Variants in MOBP observed in about 807,000 individuals in gnomAD.
MOBP encodes myelin-associated oligodendrocyte basic protein.
In MOBP, 5 loss-of-function variants were observed where a neutral mutation model predicts 15.0. The ratio of observed to expected loss-of-function variants is 0.33; its 90% CI spans 0.17 to 0.70. The LOEUF is 0.70. Among genes scored for constraint, MOBP ranks in the 30% least tolerant of loss-of-function variants. MOBP has a pLI of 0.67. For missense variants in MOBP, 188 were observed against 257.8 expected (o/e 0.73, Z 1.85); for synonymous variants, 88 against 99.0 (o/e 0.89, Z 0.66).
downstream of MOBP, among the ~76,000 whole-genome samples, chr3:39,519,613 T>C (rs1252532411): frequency 4.6e-5 from 7 of 152,144 alleles, no homozygotes; most frequent in Non-Finnish European, 1.0e-4. Flanking sequence ...GACTCTTTAT[T>C]TTCAAATCAT....
chr3:39,499,206 C>A (rs573171888), intron 2 of MOBP, among the ~76,000 whole-genome samples: 1 of 152,174 alleles, frequency 6.6e-6, no homozygotes, highest in African/African-American at 2.4e-5. Flanking sequence ...TTCATTATTT[C>A]CCATGGGAGG....
At chr3:39,520,576 G>GTGTGT (rs1559430962), downstream of MOBP, among the ~76,000 whole-genome samples, 1,752 of 93,016 alleles carry the variant, frequency 0.019, 26 homozygotes, top group African/African-American at 0.057. Flanking sequence ...GTGTGTGTAT[G>GTGTGT]AGAGAGAGAG....
chr3:39,475,918 ATTAC>A lies in MOBP; in HGVS notation c.-88-4119_-88-4116del, dbSNP rs765389800. 5.9e-5 allele frequency among the ~76,000 whole-genome samples: 9 copies of A among 152,222 alleles called. No individual in the cohort carries two copies. The East Asian group carries it at 1.5e-3, about 26-fold the overall frequency. On this transcript the variant is annotated intron_variant, in intron 1 of 3. Coordinates refer to ENST00000684792, the MANE Select transcript of MOBP (RefSeq NM_001393704.1). ...GATAATTAAAAAACAAAATTTGGTT[ATTAC>A]TTGTTGTATCAGTTCATTCTTACGT...
downstream of MOBP, among the ~76,000 whole-genome samples, chr3:39,516,484 A>G (rs1053093829): frequency 1.3e-5 from 2 of 152,090 alleles, no homozygotes; most frequent in African/African-American, 4.8e-5. Context: ...CAGGACCTTG[A>G]GGCATTTTCT....
intron 2 of MOBP, among the ~76,000 whole-genome samples, chr3:39,492,311 C>T (rs1479035344): frequency 6.6e-6 from 1 of 152,110 alleles, no homozygotes; most frequent in Non-Finnish European, 1.5e-5. Flanking sequence ...CCAGACCAGC[C>T]ACCCCTTCCC....
intron 1 of MOBP, among the ~76,000 whole-genome samples, chr3:39,470,432 A>C (rs1379860683): frequency 6.6e-6 from 1 of 152,218 alleles, no homozygotes; most frequent in African/African-American, 2.4e-5. Context: ...TTTTACAGAG[A>C]AGAAAATTGA....
intron 1 of MOBP, among the ~76,000 whole-genome samples, chr3:39,468,394 C>T (rs1278704986): frequency 6.6e-6 from 1 of 152,114 alleles, no homozygotes; most frequent in Non-Finnish European, 1.5e-5. Flanking sequence ...GCCTACAGTA[C>T]TAGCAGGAAA....
intron 4 of MOBP, among the ~76,000 whole-genome samples, chr3:39,511,113 G>T (rs2043114212): frequency 6.6e-6 from 1 of 152,190 alleles, no homozygotes; most frequent in Non-Finnish European, 1.5e-5. Flanking sequence ...AATTACTATG[G>T]TGGTAATTGT....
intron 3 of MOBP, among the ~76,000 whole-genome samples, chr3:39,523,328 C>T (rs950936356): frequency 6.6e-6 from 1 of 152,148 alleles, no homozygotes; most frequent in Non-Finnish European, 1.5e-5. Flanking sequence ...TAATCTGATA[C>T]ATATCTTGAT....
At chr3:39,471,017 G>T (rs2042461789) in intron 1 of MOBP, among the ~76,000 whole-genome samples, 2 of 152,174 alleles carry the variant, frequency 1.3e-5, no homozygotes, top group African/African-American at 4.8e-5. Flanking sequence ...ATTGTTCAGG[G>T]CGTGGCTAGC....
At chr3:39,470,704 G>C (rs1388744773) in intron 1 of MOBP, among the ~76,000 whole-genome samples, 2 of 152,168 alleles carry the variant, frequency 1.3e-5, no homozygotes, top group Non-Finnish European at 2.9e-5. Flanking sequence ...TTTAATGAGA[G>C]TAATTGAGTT....
intron 1 of MOBP, among the ~76,000 whole-genome samples, chr3:39,475,564 G>A (rs982291130): frequency 2.6e-5 from 4 of 152,014 alleles, no homozygotes; most frequent in Admixed American, 2.6e-4. Context: ...ATTCTTTAAG[G>A]AAGATTATCT....
At chr3:39,483,583 C>T (rs2042657216) in intron 2 of MOBP, among the ~76,000 whole-genome samples, 1 of 152,214 alleles carries the variant, frequency 6.6e-6, no homozygotes. Context: ...GCTATGACCA[C>T]AGATCATTTA....
At chr3:39,486,944 T>A (rs1219514926) in intron 2 of MOBP, among the ~76,000 whole-genome samples, 1 of 144,064 alleles carries the variant, frequency 6.9e-6, no homozygotes, top group East Asian at 2.1e-4. Flanking sequence ...TTTTTTTTTT[T>A]AACTTCTGTT....
intron 2 of MOBP, among the ~76,000 whole-genome samples, chr3:39,493,910 T>C (rs1262376327): frequency 6.6e-6 from 1 of 152,138 alleles, no homozygotes; most frequent in Non-Finnish European, 1.5e-5. Flanking sequence ...ATCCTGTCTC[T>C]TGGGGGCTAG....
intron 2 of MOBP, among the ~76,000 whole-genome samples, chr3:39,496,702 T>G (rs1174719846): frequency 6.6e-6 from 1 of 151,188 alleles, no homozygotes; most frequent in African/African-American, 2.4e-5. Flanking sequence ...TCGCTCTTGT[T>G]GCCCAGGCTG....
chr3:39,517,851 A>T (rs1483878816), downstream of MOBP: 1 of 152,242 alleles, frequency 6.6e-6, no homozygotes, highest in Non-Finnish European at 1.5e-5. Context: ...AGTTTTAAAC[A>T]AATTTATGTA....
chr3:39,520,689 T>G (rs906881865), downstream of MOBP, among the ~76,000 whole-genome samples: 1 of 152,166 alleles, frequency 6.6e-6, no homozygotes, highest in Non-Finnish European at 1.5e-5. Context: ...TCTTGTGTTT[T>G]GGGAAAGGTG....
At chr3:39,496,300 G>C (rs1167254362) in intron 2 of MOBP, among the ~76,000 whole-genome samples, 1 of 147,324 alleles carries the variant, frequency 6.8e-6, no homozygotes, top group South Asian at 2.2e-4. Context: ...CCAGGTTCAC[G>C]CCATTCTCCT....
Sources: allele counts gnomAD v4.1 joint callset (sites outside exome capture counted in the v4.1 genomes callset), GRCh38; gene constraint gnomAD v4.1.1; transcripts MANE v1.5; gene names NCBI Gene and HGNC (gene_info 2026-07-23, HGNC 2026-07-21).